Variants in CFH observed in about 807,000 individuals in gnomAD.
The protein encoded by CFH is complement factor H, also known as H factor 1 (complement).
In CFH, 53 loss-of-function variants were observed where a neutral mutation model predicts 147.3. That is an observed-to-expected ratio of 0.36 (90% CI 0.29 to 0.45). CFH has a LOEUF of 0.45. Ranked by LOEUF, CFH falls within the 20% of genes least tolerant of loss-of-function variation. The probability of loss-of-function intolerance (pLI) is 1.00; values close to 1 mark genes in which losing one functional copy is unlikely to be tolerated. For synonymous variants in CFH, 536 were observed against 489.4 expected (o/e 1.10, Z -1.26); for missense variants, 1,380 against 1,498.0 (o/e 0.92, Z 1.30).
At chr1:196,680,500 T>C (rs2149082547) in intron 6 of CFH, among the ~76,000 whole-genome samples, 1 of 151,972 alleles carries the variant, frequency 6.6e-6, no homozygotes, top group African/African-American at 2.4e-5. Context: ...TATGGACAGT[T>C]GTGGACTTTT....
At chr1:196,716,619 G>C (rs965640253) in intron 11 of CFH, among the ~76,000 whole-genome samples, 5 of 152,040 alleles carry the variant, frequency 3.3e-5, no homozygotes, top group Non-Finnish European at 7.4e-5. Context: ...TGATGATAGG[G>C]GAGGTGCAGA....
At chr1:196,742,881 T>A (rs1028533727) in intron 19 of CFH, among the ~76,000 whole-genome samples, 2 of 152,194 alleles carry the variant, frequency 1.3e-5, no homozygotes, top group African/African-American at 2.4e-5. Context: ...ATAGGCTTTT[T>A]AAAAAAATTT....
At chr1:196,720,089 G>T (rs1004831033) in intron 11 of CFH, among the ~76,000 whole-genome samples, 2 of 151,628 alleles carry the variant, frequency 1.3e-5, no homozygotes, top group African/African-American at 2.4e-5. Flanking sequence ...CAGTCATCAA[G>T]AATTATAAAC....
chr1:196,688,253 A>C (rs1172069959), intron 7 of CFH, among the ~76,000 whole-genome samples: 1 of 152,072 alleles, frequency 6.6e-6, no homozygotes, highest in Non-Finnish European at 1.5e-5. Flanking sequence ...TGTTAATATA[A>C]TAAACAAGAT....
chr1:196,727,644 GA>G (rs1338029982), intron 14 of CFH, among the ~76,000 whole-genome samples: 2 of 152,094 alleles, frequency 1.3e-5, no homozygotes, highest in Non-Finnish European at 2.9e-5. Flanking sequence ...AAACAAAGTT[GA>G]CAAAATACCT....
At chr1:196,738,656 T>C (rs1320664151) in intron 17 of CFH, among the ~76,000 whole-genome samples, 1 of 152,166 alleles carries the variant, frequency 6.6e-6, no homozygotes, top group Non-Finnish European at 1.5e-5. Context: ...CACAGCCTTG[T>C]GCAGATGTGG....
At chr1:196,683,110 C>T (rs1490116531) in intron 6 of CFH, among the ~76,000 whole-genome samples, 1 of 150,140 alleles carries the variant, frequency 6.7e-6, no homozygotes, top group African/African-American at 2.4e-5. Flanking sequence ...AAGTAAAGTA[C>T]AAGAGGAGAA....
At chr1:196,664,624 G>T (rs1223907718) in intron 1 of CFH, among the ~76,000 whole-genome samples, 1 of 152,004 alleles carries the variant, frequency 6.6e-6, no homozygotes, top group Admixed American at 6.6e-5. Context: ...TAGTTTTCTG[G>T]CCCCTGACCT....
At chr1:196,740,484 T>G in intron 17 of CFH, 135 bp from the exon 18 acceptor site, 1 of 854,178 alleles carries the variant, frequency 1.2e-6, no homozygotes, top group Non-Finnish European at 1.8e-6. Flanking sequence ...TTAGGAAACA[T>G]TTGTGTTACT....
chr1:196,728,211 CTTGG>C (rs1445151621), intron 14 of CFH, 131 bp from the exon 15 acceptor site: 3 of 627,824 alleles, frequency 4.8e-6, no homozygotes, highest in African/African-American at 1.9e-5. Context: ...TCAGGAATAA[CTTGG>C]TTGGTGAAAT....
intron 6 of CFH, among the ~76,000 whole-genome samples, chr1:196,684,467 T>C (rs1667756113): frequency 6.6e-6 from 1 of 152,010 alleles, no homozygotes; most frequent in South Asian, 2.1e-4. Flanking sequence ...TTACTCATTG[T>C]ATTAATTGTA....
chr1:196,731,874 T>C (rs1669287987), intron 15 of CFH, among the ~76,000 whole-genome samples: 2 of 152,034 alleles, frequency 1.3e-5, no homozygotes, highest in Admixed American at 1.3e-4. Context: ...TTGTGGAAAT[T>C]CCATTTTATG....
rs34274678 is a variant in CFH, at chr1:196,716,864, A to G, written c.1696+1095A>G. ...TGGACACATTATGATTGAGTCGCCA[A>G]TGGAAAATCAAAACTGGATATGTGA... On this transcript the variant is annotated intron_variant, in intron 11 of 21. Transcript: ENST00000367429. Among the ~76,000 whole-genome samples the G allele has an allele frequency of 4.3e-3, 660 of 152,228 alleles. 3 individuals are homozygous for G. The highest frequency in any genetic ancestry group is 7.5e-3 in the Non-Finnish European group (513 of 67,996).
intron 16 of CFH, 21 bp from the exon 17 acceptor site, chr1:196,737,454 T>G (rs769294440): frequency 1.9e-6 from 3 of 1,569,792 alleles, no homozygotes; most frequent in Non-Finnish European, 2.6e-6. Context: ...TTTAACCCTT[T>G]GATTTTCATT....
chr1:196,710,001 C>G (rs1327494943), intron 9 of CFH, among the ~76,000 whole-genome samples: 1 of 150,680 alleles, frequency 6.6e-6, no homozygotes, highest in African/African-American at 2.4e-5. Context: ...AGAGCAAGAT[C>G]ATCTTGCTCA....
chr1:196,690,325 T>C, intron 9 of CFH, 86 bp downstream of exon 9: 1 of 1,578,586 alleles, frequency 6.3e-7, no homozygotes, highest in African/African-American at 1.3e-5. Flanking sequence ...ATATTAATTG[T>C]GGCAAAATGT....
chr1:196,711,658 A>C (rs1326310706), intron 9 of CFH, among the ~76,000 whole-genome samples: 1 of 152,060 alleles, frequency 6.6e-6, no homozygotes, highest in African/African-American at 2.4e-5. Context: ...CCCCAGAGAT[A>C]GTTTGTTCAG....
intron 1 of CFH, among the ~76,000 whole-genome samples, chr1:196,663,289 T>A (rs1276989012): frequency 6.6e-6 from 1 of 152,210 alleles, no homozygotes; most frequent in African/African-American, 2.4e-5. Context: ...CCATGTTGCA[T>A]CCTGTATTAT....
At chr1:196,690,816 C>G (rs1297771959) in intron 9 of CFH, among the ~76,000 whole-genome samples, 1 of 152,092 alleles carries the variant, frequency 6.6e-6, no homozygotes, top group African/African-American at 2.4e-5. Flanking sequence ...GGAAGCTGGC[C>G]GCCCCACCCT....
Sources: allele counts gnomAD v4.1 joint callset (sites outside exome capture counted in the v4.1 genomes callset), GRCh38; gene constraint gnomAD v4.1.1; transcripts MANE v1.5; gene names NCBI Gene and HGNC (gene_info 2026-07-23, HGNC 2026-07-21).